Variants in ACTR8 observed in about 807,000 individuals in gnomAD.
ACTR8 encodes actin related protein 8, also known as actin-related protein 8.
ACTR8 carries 70 observed loss-of-function variants against 84.3 expected under a neutral mutation model. The ratio of observed to expected loss-of-function variants is 0.83; its 90% CI spans 0.68 to 1.01. ACTR8 has a LOEUF of 1.01. Among genes scored for constraint, ACTR8 ranks in the 50% least tolerant of loss-of-function variants. The pLI is 0.00. For missense variants in ACTR8, 672 were observed against 775.4 expected (o/e 0.87, Z 1.58); for synonymous variants, 268 against 275.2 (o/e 0.97, Z 0.26).
rs944132862 is a variant in ACTR8, at chr3:53,873,865, C to T, written c.1065+346G>A. 1.4e-4 allele frequency among the ~76,000 whole-genome samples: 21 copies of T among 152,278 alleles called. 1 individual carries two copies. The highest frequency in any genetic ancestry group is 5.1e-4 in the African/African-American group (21 of 41,552). ...TTTGAGATGGAGTCTCGCTTTGTCG[C>T]CGAGGCTGGAGTGCAGTGGTGCAAT... On this transcript the variant is annotated intron_variant, in intron 8 of 12. Coordinates refer to ENST00000335754, the MANE Select transcript of ACTR8 (RefSeq NM_022899.5).
chr3:53,876,738 G>A lies in ACTR8; in HGVS notation c.685-25C>T, dbSNP rs768693757. On this transcript the variant is annotated intron_variant, in intron 5 of 12. Coordinates refer to ENST00000335754, the MANE Select transcript of ACTR8 (RefSeq NM_022899.5). ...ACTAAAAAGAAGAACAAAGATAAAA[G>A]GGTTAGCACTCAAGTCTAGTCAGGT... 5 of 1,304,910 alleles carry A rather than the reference G, an allele frequency of 3.8e-6. No homozygotes were observed. The African/African-American group carries it at 4.5e-5, about 12-fold the overall frequency. The allele number at this position is 1,304,910 out of a possible 1,614,324, so 80.8% of individuals were successfully genotyped here.
downstream of ACTR8, chr3:53,864,774 C>T: frequency 6.2e-7 from 1 of 1,610,608 alleles, no homozygotes; most frequent in Non-Finnish European, 8.5e-7. Flanking sequence ...CCTTTTCTAC[C>T]ACCACACTAC....
At position 53,876,083 on chromosome 3, in the gene ACTR8, G is replaced by T. The variant is rs534309799; in HGVS notation, c.779-3C>A. On this transcript the variant is annotated splice_polypyrimidine_tract_variant and splice_region_variant and intron_variant, in intron 6 of 12. Transcript: ENST00000335754. ...AGACTCCTGATGGACCACAATCCCT[G>T]GGGGGGGAAAAGAAAAGGCAGAGTA... 64 of 1,546,288 alleles carry T rather than the reference G, an allele frequency of 4.1e-5. No individual in the cohort carries two copies. The African/African-American group carries it at 1.1e-3, about 26-fold the overall frequency.
chr3:53,867,064 T>C (rs577704310), downstream of ACTR8: 63 of 152,338 alleles, frequency 4.1e-4, no homozygotes, highest in Middle Eastern at 6.8e-3. Flanking sequence ...TGAGGCAATA[T>C]GTTTAATGTA....
chr3:53,865,393 T>C (rs1339822704), downstream of ACTR8: 1 of 1,054,544 alleles, frequency 9.5e-7, no homozygotes, highest in East Asian at 2.5e-5. Flanking sequence ...TGAAGCTTAC[T>C]ATGCAGCCTA....
chr3:53,870,054 G>A lies in ACTR8; in HGVS notation c.1659C>T (p.His553=). ...MFHKAQEFLQ[H]RILNKMPPSF... is the part of the protein sequence containing the mutation. ...ATGGTGGCATTTTGTTGAGAATTCTGTGCTGCAGAAATTCTTGAGCTTTAT... is the reference window on the plus strand; with the variant it reads ...ATGGTGGCATTTTGTTGAGAATTCTATGCTGCAGAAATTCTTGAGCTTTAT... The change falls in exon 12 of 13, where the codon CAC becomes CAT. Residue 553 remains histidine, a synonymous_variant. Transcript: ENST00000335754. This position sits in a 1 kb window ranked among gnomAD's most constrained non-coding sequence, Gnocchi z 4.1. 2 of 1,614,160 alleles carry A rather than the reference G, an allele frequency of 1.2e-6. No individual in the cohort carries two copies. Among genetic ancestry groups the A allele is most frequent in the Non-Finnish European group, 1.7e-6 (2 of 1,180,020 alleles).
chr3:53,865,854 A>G (rs1447289979), downstream of ACTR8: 1 of 152,432 alleles, frequency 6.6e-6, no homozygotes, highest in Non-Finnish European at 1.5e-5. Context: ...TGGTATTTGC[A>G]TAAGACCTTC....
the ACTR8 span, chr3:53,860,303 C>A: frequency 8.2e-7 from 1 of 1,215,784 alleles, no homozygotes; most frequent in Non-Finnish European, 1.2e-6. Context: ...GAAGATTCCT[C>A]TGGAGGCAAT....
At chr3:53,864,329 G>A (rs999115732), downstream of ACTR8, among the ~76,000 whole-genome samples, 33 of 152,326 alleles carry the variant, frequency 2.2e-4, no homozygotes, top group African/African-American at 5.8e-4. Context: ...GAGGTCAGGA[G>A]ATCGAGACCA....
chr3:53,879,135 A>G (rs993599701), intron 2 of ACTR8, among the ~76,000 whole-genome samples: 2 of 152,232 alleles, frequency 1.3e-5, no homozygotes, highest in Non-Finnish European at 2.9e-5. Flanking sequence ...ATGCCCATAA[A>G]TATCTTTACA....
intron 7 of ACTR8, among the ~76,000 whole-genome samples, chr3:53,875,581 C>G (rs866724078): frequency 6.6e-5 from 10 of 152,340 alleles, no homozygotes; most frequent in South Asian, 4.1e-4. Context: ...TCGATTTTCT[C>G]CTACATGACT....
At chr3:53,881,324 A>C (rs570551740) in intron 1 of ACTR8, among the ~76,000 whole-genome samples, 218 of 152,272 alleles carry the variant, frequency 1.4e-3, no homozygotes, top group Non-Finnish European at 2.1e-3. Flanking sequence ...ATGCTGTTTT[A>C]GTTACTGATC....
chr3:53,876,082 T>C lies in ACTR8; in HGVS notation c.779-2A>G. ...CAGACTCCTGATGGACCACAATCCCTGGGGGGGGAAAAGAAAAGGCAGAGT... is the reference window on the plus strand; with the variant it reads ...CAGACTCCTGATGGACCACAATCCCCGGGGGGGGAAAAGAAAAGGCAGAGT... On this transcript the variant is annotated splice_acceptor_variant, in intron 6 of 12. Transcript: ENST00000335754. LOFTEE classifies it high-confidence loss of function. The C allele has an allele frequency of 6.3e-7, 1 of 1,578,916 alleles. No homozygotes were observed. The highest frequency in any genetic ancestry group is 8.6e-7 in the Non-Finnish European group (1 of 1,159,354).
rs1699817900 is a variant in ACTR8, at chr3:53,867,893, G to A, written c.*826C>T. On this transcript the variant is annotated 3_prime_UTR_variant, in exon 13 of 13. Transcript: ENST00000335754. ...AATCCTTCAGGTAAAGGAAAATTGAGGCTTGATGACTAAGTTGGTAGTATT... is the reference window on the plus strand; with the variant it reads ...AATCCTTCAGGTAAAGGAAAATTGAAGCTTGATGACTAAGTTGGTAGTATT... 6.6e-6 allele frequency: 1 copy of A among 152,162 alleles called. No homozygotes were observed. The highest frequency in any genetic ancestry group is 1.5e-5 in the Non-Finnish European group (1 of 68,032). 9.4% of individuals were successfully genotyped at this position (152,162 alleles called of 1,614,324 possible).
Position 53,881,723 on chromosome 3 carries a change from A to C in ACTR8, c.123+256T>G. 8 of 590,442 alleles carry C rather than the reference A, an allele frequency of 1.4e-5. 1 individual carries two copies. In the South Asian group the frequency reaches 1.6e-4, roughly 12 times the overall value. 36.6% of individuals were successfully genotyped at this position (590,442 alleles called of 1,614,324 possible). ...CAGAGCCCGGGCAGGAGCGCACACA[A>C]CCAGACGGTGGGGCGTGCGGGAGAT... On this transcript the variant is annotated intron_variant, in intron 1 of 12. Coordinates refer to ENST00000335754, the MANE Select transcript of ACTR8 (RefSeq NM_022899.5).
In ACTR8 at chr3:53,877,636, A is replaced by T. The variant is rs1699996369; in HGVS notation, c.510+11T>A. On this transcript the variant is annotated intron_variant, in intron 4 of 12. Transcript: ENST00000335754. ...CCCCTTCTTTCATTCTATTGTAAAG[A>T]AGTTTCTTACCTCTTCTCCTACTAA... 1 of 1,606,168 alleles carries T rather than the reference A, an allele frequency of 6.2e-7. No homozygotes were observed. The highest frequency in any genetic ancestry group is 8.5e-7 in the Non-Finnish European group (1 of 1,173,864).
At chr3:53,874,535 C>G (rs1251077231) in intron 7 of ACTR8, among the ~76,000 whole-genome samples, 171 bp from the exon 8 acceptor site, 1 of 152,048 alleles carries the variant, frequency 6.6e-6, no homozygotes, top group Non-Finnish European at 1.5e-5. Flanking sequence ...GACCAGCTGG[C>G]CAATATGGCG....
the ACTR8 span, chr3:53,860,777 A>T: frequency 5.9e-5 from 9 of 152,360 alleles, no homozygotes; most frequent in African/African-American, 2.2e-4. Context: ...AAAAAAATGA[A>T]GAAAAAGGTA....
chr3:53,869,732 T>G (rs946508739), intron 12 of ACTR8, among the ~76,000 whole-genome samples: 1 of 152,222 alleles, frequency 6.6e-6, no homozygotes, highest in African/African-American at 2.4e-5. Context: ...CCCCACCTGA[T>G]CCTTTAACAA....
Sources: gnomAD v4.1 joint callset for allele counts (sites outside exome capture counted in the v4.1 genomes callset) on GRCh38, gnomAD v4.1.1 for gene constraint, Gnocchi (gnomAD v3.1) non-coding constraint, MANE v1.5 for transcripts, NCBI Gene and HGNC (gene_info 2026-07-23, HGNC 2026-07-21) for gene names.